Variants in RUFY2 observed in about 807,000 individuals in gnomAD.
RUFY2 encodes RUN and FYVE domain containing 2, also known as RUN and FYVE domain-containing protein 2.
In RUFY2, 49 loss-of-function variants were observed where a neutral mutation model predicts 94.4. The observed-to-expected ratio is 0.52, with a 90% CI of 0.41 to 0.66. The LOEUF is 0.66. RUFY2 is among the 30% of genes least tolerant of loss of function. The pLI is 0.00. For synonymous variants in RUFY2, 255 were observed against 235.7 expected (o/e 1.08, Z -0.75); for missense variants, 541 against 692.8 (o/e 0.78, Z 2.46).
At chr10:68,352,054 C>CA (rs147046243) in intron 16 of RUFY2, among the ~76,000 whole-genome samples, 326 of 93,312 alleles carry the variant, frequency 3.5e-3, no homozygotes, top group Non-Finnish European at 4.9e-3. Flanking sequence ...AAGACTGTCT[C>CA]AAAAAAAAAA....
chr10:68,355,494 T>A lies in RUFY2; in HGVS notation c.1551-93A>T, dbSNP rs932449487. On this transcript the variant is annotated intron_variant, in intron 15 of 17. Coordinates refer to ENST00000602465, the MANE Select transcript of RUFY2 (RefSeq NM_001330103.2). ...GTAGGTATTGGTATTTCATAGGATA[T>A]AAAATTATGTATAGTATATGATTTT... The A allele has an allele frequency of 4.4e-5, 32 of 722,552 alleles. No homozygotes were observed. In the Admixed American group the frequency reaches 6.0e-4, roughly 14 times the overall value. The allele number at this position is 722,552 out of a possible 1,614,324, so 44.8% of individuals were successfully genotyped here. A position where few individuals can be genotyped will look rare whatever the true frequency, so the allele number is the denominator to read the frequency against.
intron 16 of RUFY2, among the ~76,000 whole-genome samples, chr10:68,353,329 TC>T (rs1251545401): frequency 6.6e-5 from 9 of 136,504 alleles, no homozygotes; most frequent in Non-Finnish European, 1.4e-4. Context: ...AGACCCTGTC[TC>T]GAAAAAAAAA....
At position 68,401,716 on chromosome 10, in the gene RUFY2, T is replaced by C. The variant is rs780396497; in HGVS notation, c.200A>G (p.Tyr67Cys). ...GLKVRKSFLS[Y>C]NKTIWGPLEL... The stretch of plus-strand genomic sequence containing the variant: ...CAAAGGGCCCCAGATGGTTTTGTTG[T>C]AACTCAAAAATGATTTTCTTACTGA... The change falls in exon 3 of 18, where the codon TAC (tyrosine) becomes TGC (cysteine). Residue 67 changes from tyrosine (Y) to cysteine (C), a missense_variant. Physicochemically the swap from Tyr to Cys is radical, Grantham distance 194. Transcript: ENST00000602465. 3.1e-6 allele frequency: 5 copies of C among 1,612,120 alleles called. No individual in the cohort carries two copies. The highest frequency in any genetic ancestry group is 4.2e-6 in the Non-Finnish European group (5 of 1,178,330).
chr10:68,348,571 A>G (rs1389611331), intron 16 of RUFY2, among the ~76,000 whole-genome samples: 6 of 151,918 alleles, frequency 3.9e-5, no homozygotes, highest in Admixed American at 3.3e-4. Context: ...AGATAATCCA[A>G]CTTGATGAAA....
At chr10:68,384,604 G>A (rs2049341069) in intron 8 of RUFY2, among the ~76,000 whole-genome samples, 1 of 152,190 alleles carries the variant, frequency 6.6e-6, no homozygotes, top group Non-Finnish European at 1.5e-5. Context: ...TGTGGTAACT[G>A]AGTTGGACAC....
intron 12 of RUFY2, chr10:68,378,811 T>C: frequency 1.7e-6 from 1 of 602,066 alleles, no homozygotes; most frequent in Non-Finnish European, 2.9e-6. Context: ...CAATAAAGCA[T>C]TAATAGTTAT....
At chr10:68,365,414 C>T (rs1437566765) in intron 13 of RUFY2, among the ~76,000 whole-genome samples, 3 of 152,154 alleles carry the variant, frequency 2.0e-5, no homozygotes, top group South Asian at 2.1e-4. Flanking sequence ...AAGATGTGCA[C>T]GTTAGATGAA....
At chr10:68,380,548 A>G (rs1468234114) in intron 11 of RUFY2, among the ~76,000 whole-genome samples, 1 of 152,112 alleles carries the variant, frequency 6.6e-6, no homozygotes, top group East Asian at 1.9e-4. Flanking sequence ...TCTACTTAAT[A>G]GCAATATCAT....
chr10:68,404,589 G>T, intron 2 of RUFY2, 82 bp downstream of exon 2: 2 of 953,586 alleles, frequency 2.1e-6, no homozygotes, highest in Non-Finnish European at 2.9e-6. Flanking sequence ...CGTAATTATG[G>T]CCTCAAAAAA....
At chr10:68,401,242 C>G (rs2050824833) in intron 3 of RUFY2, among the ~76,000 whole-genome samples, 1 of 152,172 alleles carries the variant, frequency 6.6e-6, no homozygotes, top group South Asian at 2.1e-4. Context: ...CTGGAATATC[C>G]TGAGCCTGTG....
chr10:68,341,324 T>C (rs1213336868), downstream of RUFY2: 2 of 1,592,104 alleles, frequency 1.3e-6, no homozygotes, highest in Non-Finnish European at 1.7e-6. Flanking sequence ...GTGGTGTCTT[T>C]GGCACACAAT....
At chr10:68,405,053 GC>G (rs1316516693) in intron 1 of RUFY2, among the ~76,000 whole-genome samples, 19 of 151,994 alleles carry the variant, frequency 1.3e-4, no homozygotes, top group Admixed American at 9.8e-4. Flanking sequence ...GGTGGCTCAC[GC>G]CTGTAATCCC....
Position 68,364,089 on chromosome 10 carries a change from C to T in RUFY2, c.1350G>A (p.Lys450=). 1.2e-6 allele frequency: 2 copies of T among 1,613,066 alleles called. No homozygotes were observed. The highest frequency in any genetic ancestry group is 1.7e-6 in the Non-Finnish European group (2 of 1,179,466). The change falls in exon 14 of 18, where the codon AAG becomes AAA. Residue 450 remains lysine (K), a synonymous_variant. Transcript: ENST00000602465. ...KQLVQLETDL[K]IEKEWRQTLQ... ...AAGTCTGCCTCCATTCCTTCTCAAT[C>T]TTCAAGTCAGTTTCCAGTTGCACCC...
chr10:68,347,293 T>C (rs946413222), intron 16 of RUFY2, among the ~76,000 whole-genome samples: 1 of 147,362 alleles, frequency 6.8e-6, no homozygotes, highest in Admixed American at 6.8e-5. Flanking sequence ...TTTTTTTTTT[T>C]TTTTTTTTGA....
chr10:68,376,490 ATT>A (rs1564816455), intron 13 of RUFY2, among the ~76,000 whole-genome samples: 24 of 22,454 alleles, frequency 1.1e-3, no homozygotes, highest in Non-Finnish European at 3.5e-3. Flanking sequence ...ATATATATAT[ATT>A]CTCAGAAAAC....
chr10:68,384,059 G>T lies in RUFY2; in HGVS notation c.814C>A (p.His272Asn), dbSNP rs188682778. ...NKLILMKTQQ[H>N]LEVTKVDVET... is the part of the protein sequence containing the mutation. ...AAGCAGTCTATACTTACCTCTAGGT[G>T]CTGCTGTGTTTTCATTAAAATCAAT... is the stretch of plus-strand genomic sequence containing the variant. The change falls in exon 9 of 18, where the codon CAC becomes AAC. Residue 272 changes from histidine (H) to asparagine (N), a missense_variant. By Grantham distance (68) the His-to-Asn change is moderately conservative. Transcript: ENST00000602465. The T allele has an allele frequency of 6.3e-4, 1,016 of 1,611,898 alleles. No individual in the cohort carries two copies. Among genetic ancestry groups the T allele is most frequent in the Non-Finnish European group, 7.7e-4 (906 of 1,178,682 alleles).
rs1255357650 is a variant in RUFY2 at position 68,343,469 on chromosome 10, T to TAA, written c.*2297_*2298dup. 1.3e-5 allele frequency: 2 copies of TAA among 152,610 alleles called. No individual in the cohort carries two copies. Among genetic ancestry groups the TAA allele is most frequent in the East Asian group, 1.9e-4 (1 of 5,200 alleles). The allele number at this position is 152,610 out of a possible 1,614,324, so 9.5% of individuals were successfully genotyped here. ...TTACTCTCTTAACATCTTAAAGCAG[T>TAA]AAAAGTATACAGTATTAATGAAACC... On this transcript the variant is annotated 3_prime_UTR_variant, in exon 18 of 18. Transcript: ENST00000602465.
chr10:68,388,868 A>G (rs2049755356), intron 7 of RUFY2, among the ~76,000 whole-genome samples: 2 of 151,970 alleles, frequency 1.3e-5, no homozygotes, highest in South Asian at 4.1e-4. Flanking sequence ...AAGAAAAGAA[A>G]AAGAAAAAGC....
chr10:68,390,625 T>C (rs1356857033), intron 7 of RUFY2, among the ~76,000 whole-genome samples: 1 of 152,146 alleles, frequency 6.6e-6, no homozygotes, highest in Admixed American at 6.6e-5. Flanking sequence ...AATATGTCAT[T>C]AATAATAATT....
Sources: gnomAD v4.1 joint callset for allele counts (sites outside exome capture counted in the v4.1 genomes callset) on GRCh38, gnomAD v4.1.1 for gene constraint, MANE v1.5 for transcripts, NCBI Gene and HGNC (gene_info 2026-07-23, HGNC 2026-07-21) for gene names.